Variants in CBLB observed in about 807,000 individuals in gnomAD.
CBLB encodes the protein Cbl proto-oncogene B, also known as E3 ubiquitin-protein ligase CBL-B.
In CBLB, 31 loss-of-function variants were observed where a neutral mutation model predicts 104.9. The ratio of observed to expected loss-of-function variants is 0.30; its 90% confidence interval spans 0.22 to 0.40. The LOEUF (loss-of-function observed/expected upper bound fraction) is 0.40, where lower values mean the gene tolerates loss of function less well. Among genes scored for constraint, CBLB ranks in the 10% least tolerant of loss-of-function variants. The probability of loss-of-function intolerance (pLI) is 1.00; values close to 1 mark genes in which losing one functional copy is unlikely to be tolerated. For missense variants in CBLB, 1,062 were observed against 1,214.6 expected, an observed-to-expected ratio of 0.87 and a Z score of 1.87; for synonymous variants, 440 against 422.6, an observed-to-expected ratio of 1.04 and a Z score of -0.51.
chr3:105,728,192 A>T (rs930404794), intron 9 of CBLB, among the ~76,000 whole-genome samples: 3 of 152,110 alleles, frequency 2.0e-5, no homozygotes. Context: ...TGCAGATGAC[A>T]TGAATGTATA....
chr3:105,796,272 A>G (rs1299689351), intron 3 of CBLB, among the ~76,000 whole-genome samples: 1 of 152,176 alleles, frequency 6.6e-6, no homozygotes, highest in Non-Finnish European at 1.5e-5. Flanking sequence ...CAGAATAGAC[A>G]GCCCAGAAAT....
At chr3:105,821,045 C>A (rs958473437) in intron 3 of CBLB, among the ~76,000 whole-genome samples, 1 of 152,004 alleles carries the variant, frequency 6.6e-6, no homozygotes, top group Non-Finnish European at 1.5e-5. Context: ...AGACAATGAT[C>A]CCCAACACTT....
chr3:105,694,520 A>G (rs1421005197), intron 12 of CBLB, among the ~76,000 whole-genome samples: 1 of 151,882 alleles, frequency 6.6e-6, no homozygotes, highest in Admixed American at 6.6e-5. Context: ...AAGTAATTTG[A>G]GCAGTGCTAG....
chr3:105,855,892 A>C (rs777913778), intron 2 of CBLB, among the ~76,000 whole-genome samples: 2 of 152,232 alleles, frequency 1.3e-5, no homozygotes, highest in African/African-American at 2.4e-5. Context: ...TTCAAATCAT[A>C]TAAGTTTCAG....
chr3:105,702,593 T>G (rs903959092), intron 11 of CBLB, 134 bp from the exon 12 acceptor site: 13 of 901,896 alleles, frequency 1.4e-5, no homozygotes, highest in Non-Finnish European at 9.8e-6. Context: ...TAGATTCCTG[T>G]GCCATCTTTT....
chr3:105,706,129 A>T (rs552744188), intron 10 of CBLB, among the ~76,000 whole-genome samples: 13 of 152,212 alleles, frequency 8.5e-5, no homozygotes, highest in African/African-American at 2.6e-4. Flanking sequence ...GCAACAGAGC[A>T]AGACCCTGTC....
chr3:105,712,869 G>C (rs2071304344), intron 10 of CBLB, among the ~76,000 whole-genome samples: 1 of 152,066 alleles, frequency 6.6e-6, no homozygotes, highest in Admixed American at 6.5e-5. Flanking sequence ...CTTCCTAATG[G>C]AATGCTATCA....
At chr3:105,723,100 C>A (rs1026559478) in intron 9 of CBLB, among the ~76,000 whole-genome samples, 11 of 152,286 alleles carry the variant, frequency 7.2e-5, no homozygotes, top group African/African-American at 2.6e-4. Context: ...CTTCATCCAT[C>A]ACACTTTATA....
intron 10 of CBLB, among the ~76,000 whole-genome samples, chr3:105,718,254 G>A (rs1261738594): frequency 2.0e-5 from 3 of 152,130 alleles, no homozygotes; most frequent in Non-Finnish European, 2.9e-5. Context: ...GAGTGAAATC[G>A]TGTAGTTTCT....
At chr3:105,764,078 T>A (rs2077957499) in intron 4 of CBLB, among the ~76,000 whole-genome samples, 1 of 152,216 alleles carries the variant, frequency 6.6e-6, no homozygotes, top group Non-Finnish European at 1.5e-5. Context: ...ACCTCTATTT[T>A]ACAAGGCTTT....
At chr3:105,860,739 C>T (rs1303865566) in intron 2 of CBLB, among the ~76,000 whole-genome samples, 3 of 152,130 alleles carry the variant, frequency 2.0e-5, no homozygotes, top group Non-Finnish European at 4.4e-5. Flanking sequence ...GGGCACTGAA[C>T]AGTTTGTTGA....
At chr3:105,810,686 T>C (rs1309915516) in intron 3 of CBLB, among the ~76,000 whole-genome samples, 3 of 152,164 alleles carry the variant, frequency 2.0e-5, no homozygotes, top group East Asian at 1.9e-4. Flanking sequence ...GTCATGTTTC[T>C]ATAATTATAA....
intron 4 of CBLB, among the ~76,000 whole-genome samples, chr3:105,759,078 T>C (rs1331836787): frequency 6.6e-6 from 1 of 151,838 alleles, no homozygotes; most frequent in Non-Finnish European, 1.5e-5. Flanking sequence ...AACTGGAGGG[T>C]GGGAAGGCAG....
At chr3:105,757,100 A>G (rs2077153798) in intron 4 of CBLB, among the ~76,000 whole-genome samples, 1 of 152,118 alleles carries the variant, frequency 6.6e-6, no homozygotes, top group African/African-American at 2.4e-5. Context: ...AGATGCTAAT[A>G]CCATGCCTGT....
chr3:105,738,911 T>C (rs1178268059), intron 7 of CBLB, among the ~76,000 whole-genome samples: 5 of 151,446 alleles, frequency 3.3e-5, no homozygotes, highest in Admixed American at 2.0e-4. Context: ...TGTGTGTTGG[T>C]ATTATTATTA....
Position 105,737,183 on chromosome 3 carries a change from T to C in CBLB, c.1059A>G (p.Ile353Met). 1.3e-6 allele frequency: 2 copies of C among 1,562,198 alleles called. No homozygotes were observed. Among genetic ancestry groups the C allele is most frequent in the Non-Finnish European group, 1.8e-6 (2 of 1,136,212 alleles). Residue 353 changes from isoleucine to methionine, a missense_variant, in exon 8 of 19, where the codon ATA becomes ATG. Coordinates refer to ENST00000394030, the MANE Select transcript of CBLB (RefSeq NM_170662.5). The part of the protein sequence containing the change: ...GLCEPTPHDH[I>M]KVTQEQYELY... ...CAATTATCCTTACCTGTGTAACTTTTATATGGTCATGAGGTGTAGGTTCAC... is the reference window on the plus strand; with the variant it reads ...CAATTATCCTTACCTGTGTAACTTTCATATGGTCATGAGGTGTAGGTTCAC...
intron 2 of CBLB, among the ~76,000 whole-genome samples, chr3:105,862,542 T>C (rs2092173213): frequency 6.6e-6 from 1 of 152,186 alleles, no homozygotes; most frequent in African/African-American, 2.4e-5. Flanking sequence ...AGGCCAGCAT[T>C]TCATTATTTC....
chr3:105,796,872 T>C (rs1489050060), intron 3 of CBLB, among the ~76,000 whole-genome samples: 1 of 152,062 alleles, frequency 6.6e-6, no homozygotes, highest in Non-Finnish European at 1.5e-5. Flanking sequence ...AAAACCACAA[T>C]GGGAACCATC....
At chr3:105,781,946 C>T (rs534047690) in intron 3 of CBLB, among the ~76,000 whole-genome samples, 1 of 152,236 alleles carries the variant, frequency 6.6e-6, no homozygotes, top group South Asian at 2.1e-4. Flanking sequence ...AACAGTGGTG[C>T]TTAAAATGAA....
Sources: allele counts gnomAD v4.1 joint callset (sites outside exome capture counted in the v4.1 genomes callset), GRCh38; gene constraint gnomAD v4.1.1; transcripts MANE v1.5; gene names NCBI Gene and HGNC (gene_info 2026-07-23, HGNC 2026-07-21).